HHIP: variants seen among roughly 807,000 people sequenced by gnomAD.
HHIP encodes the protein hedgehog interacting protein.
In HHIP, 12 loss-of-function variants were observed where a neutral mutation model predicts 74.0. The ratio of observed to expected loss-of-function variants is 0.16; its 90% CI spans 0.10 to 0.26. The LOEUF is 0.26. Among genes scored for constraint, HHIP ranks in the 10% least tolerant of loss-of-function variants. The pLI is 1.00. For missense variants in HHIP, 788 were observed against 845.0 expected, an observed-to-expected ratio of 0.93 and a Z score of 0.84; for synonymous variants, 309 against 311.6, an observed-to-expected ratio of 0.99 and a Z score of 0.09.
chr4:144,692,623 G>A (rs1729706129), intron 4 of HHIP, among the ~76,000 whole-genome samples: 1 of 152,036 alleles, frequency 6.6e-6, no homozygotes, highest in African/African-American at 2.4e-5. Context: ...CCCTATTCTT[G>A]TCTTTTATAG....
At chr4:144,700,190 T>G (rs1344511183) in intron 4 of HHIP, among the ~76,000 whole-genome samples, 1 of 152,204 alleles carries the variant, frequency 6.6e-6, no homozygotes, top group Non-Finnish European at 1.5e-5. Flanking sequence ...TGAAGAATGT[T>G]GGTTATTCTT....
chr4:144,673,254 A>T (rs867241739), intron 4 of HHIP, among the ~76,000 whole-genome samples: 1 of 152,062 alleles, frequency 6.6e-6, no homozygotes, highest in Non-Finnish European at 1.5e-5. Flanking sequence ...AATATTGCAA[A>T]TTTTTTCCTA....
chr4:144,652,617 A>G lies in HHIP; in HGVS notation c.292A>G (p.Thr98Ala). 1 of 1,601,334 alleles carries G rather than the reference A, an allele frequency of 6.2e-7. No homozygotes were observed. Among genetic ancestry groups the G allele is most frequent in the African/African-American group, 1.3e-5 (1 of 74,526 alleles). ...TTATGGCTTTCAGATATTTTCTGTT[A>G]CCAACAACACAGAATGTGGGAAGTT... ...GRLENKIFSV[T>A]NNTECGKLLE... Residue 98 changes from threonine (T) to alanine (A), a missense_variant, in exon 2 of 13, where the codon ACC becomes GCC. By Grantham distance (58) the Thr-to-Ala change is moderately conservative (BLOSUM62 0). Around this residue, in one of 3 missense-constraint regions of HHIP, gnomAD observed 373 missense variants for 366.4 expected, o/e 1.02. Coordinates refer to ENST00000296575, the MANE Select transcript of HHIP (RefSeq NM_022475.3).
At chr4:144,732,499 A>T (rs1269477627) in intron 11 of HHIP, among the ~76,000 whole-genome samples, 1 of 152,126 alleles carries the variant, frequency 6.6e-6, no homozygotes. Context: ...CAAAGCATCA[A>T]ATTGGAGTAT....
At position 144,740,326 on chromosome 4, in the gene HHIP, T is replaced by A. The variant is rs182738659; in HGVS notation, c.*2369T>A. ...ATTAAGTTGACCAGGCCCAGATTTTTTATACAGCTTTTTCCCAAGTGAAAG... is the reference window on the plus strand; with the variant it reads ...ATTAAGTTGACCAGGCCCAGATTTTATATACAGCTTTTTCCCAAGTGAAAG... On this transcript the variant is annotated 3_prime_UTR_variant, in exon 13 of 13. Coordinates refer to ENST00000296575, the MANE Select transcript of HHIP (RefSeq NM_022475.3). 1 of 152,326 alleles carries A rather than the reference T, an allele frequency of 6.6e-6. No individual in the cohort carries two copies. The highest frequency in any genetic ancestry group is 1.5e-5 in the Non-Finnish European group (1 of 68,026). The allele number at this position is 152,326 out of a possible 1,614,324, so 9.4% of individuals were successfully genotyped here. A position where few individuals can be genotyped will look rare whatever the true frequency, so the allele number is the denominator to read the frequency against.
intron 4 of HHIP, among the ~76,000 whole-genome samples, chr4:144,676,050 G>A (rs1729160806): frequency 6.6e-6 from 1 of 152,182 alleles, no homozygotes; most frequent in Admixed American, 6.6e-5. Context: ...TAAACAAGAT[G>A]TATGTTTTAA....
chr4:144,683,881 T>C (rs6819412), intron 4 of HHIP, among the ~76,000 whole-genome samples: 58,821 of 151,636 alleles, frequency 0.39, 13,270 homozygotes, highest in South Asian at 0.52. Flanking sequence ...CAATTAGTGA[T>C]TCTGAGCACA....
intron 4 of HHIP, among the ~76,000 whole-genome samples, chr4:144,705,032 A>G (rs940374075): frequency 2.0e-5 from 3 of 152,194 alleles, no homozygotes; most frequent in Admixed American, 6.5e-5. Context: ...AAAATTATGC[A>G]TATTGTGATG....
chr4:144,710,918 C>A (rs937770595), intron 7 of HHIP, among the ~76,000 whole-genome samples: 2 of 152,210 alleles, frequency 1.3e-5, no homozygotes, highest in Admixed American at 6.5e-5. Context: ...TATATAACTT[C>A]ATTCTTCCCC....
intron 4 of HHIP, among the ~76,000 whole-genome samples, chr4:144,675,683 CAT>C (rs1429627398): frequency 1.3e-5 from 2 of 151,860 alleles, no homozygotes; most frequent in African/African-American, 4.8e-5. Flanking sequence ...TGTATATATA[CAT>C]ATGTGTGTGT....
chr4:144,721,879 G>A (rs1367157205), intron 11 of HHIP, among the ~76,000 whole-genome samples: 1 of 151,468 alleles, frequency 6.6e-6, no homozygotes, highest in African/African-American at 2.4e-5. Flanking sequence ...CTCCAGCCTG[G>A]GTGACAGAGC....
At chr4:144,661,107 C>G (rs1332686206) in intron 4 of HHIP, among the ~76,000 whole-genome samples, 1 of 152,222 alleles carries the variant, frequency 6.6e-6, no homozygotes, top group East Asian at 1.9e-4. Context: ...AACTGATGTT[C>G]TTGTTTCTAC....
intron 4 of HHIP, among the ~76,000 whole-genome samples, chr4:144,673,007 C>T (rs868326771): frequency 4.6e-5 from 7 of 152,118 alleles, no homozygotes; most frequent in African/African-American, 1.7e-4. Flanking sequence ...CCGGCCCAAA[C>T]TTTTTAAACA....
chr4:144,743,069 T>C lies in HHIP; in HGVS notation c.*5112T>C, dbSNP rs1273428788. The C allele has an allele frequency of 6.9e-6, 1 of 144,682 alleles. No individual in the cohort carries two copies. The highest frequency in any genetic ancestry group is 7.1e-5 in the Admixed American group (1 of 14,098). The allele number at this position is 144,682 out of a possible 1,614,324, so 9.0% of individuals were successfully genotyped here. On this transcript the variant is annotated 3_prime_UTR_variant, in exon 13 of 13. Coordinates refer to ENST00000296575, the MANE Select transcript of HHIP (RefSeq NM_022475.3). ...ATATCTTAATACATATATATAACCATGGAACCTGCCAAACACTAATCCTAG... is the reference window on the plus strand; with the variant it reads ...ATATCTTAATACATATATATAACCACGGAACCTGCCAAACACTAATCCTAG...
rs149987009 is a variant in HHIP at position 144,655,616 on chromosome 4, G to A, written c.472+2819G>A. ...CTAGTCCATAGCCATTCCTAACCCC[G>A]GCCAGTTAGCTTACACATGTGTCTT... On this transcript the variant is annotated intron_variant, in intron 2 of 12. Coordinates refer to ENST00000296575, the MANE Select transcript of HHIP (RefSeq NM_022475.3). 2.4e-3 allele frequency among the ~76,000 whole-genome samples: 370 copies of A among 152,120 alleles called. 2 individuals carry two copies. The highest frequency in any genetic ancestry group is 8.4e-3 in the African/African-American group (348 of 41,480).
chr4:144,682,020 G>T (rs990585488), intron 4 of HHIP, among the ~76,000 whole-genome samples: 2 of 152,200 alleles, frequency 1.3e-5, no homozygotes, highest in African/African-American at 2.4e-5. Context: ...GCCCAACAGA[G>T]CCATACTCAT....
Position 144,707,228 on chromosome 4 carries a change from A to C in HHIP, c.1125A>C (p.Thr375=), listed in dbSNP as rs932871309. Residue 375 remains threonine (T), a synonymous_variant, in exon 6 of 13, where the codon ACA becomes ACC. Coordinates refer to ENST00000296575, the MANE Select transcript of HHIP (RefSeq NM_022475.3). Reference sequence around the variant, plus strand: ...TCATTCTTGGTGATGGGATGATTACACTGGATGATATGGAAGAAATGGATG... The same window carrying C: ...TCATTCTTGGTGATGGGATGATTACCCTGGATGATATGGAAGAAATGGATG... The part of the protein sequence containing the change: ...LYIILGDGMI[T]LDDMEEMDGL... 1.2e-6 allele frequency: 2 copies of C among 1,613,396 alleles called. No homozygotes were observed. The highest frequency in any genetic ancestry group is 2.7e-5 in the African/African-American group (2 of 74,868).
chr4:144,687,518 A>C (rs1019121603), intron 4 of HHIP, among the ~76,000 whole-genome samples: 7 of 152,158 alleles, frequency 4.6e-5, no homozygotes, highest in African/African-American at 1.7e-4. Context: ...TGCAAGTAGG[A>C]ATCAAGAAAG....
intron 4 of HHIP, among the ~76,000 whole-genome samples, chr4:144,662,099 A>G (rs761850678): frequency 6.6e-6 from 1 of 152,238 alleles, no homozygotes; most frequent in Non-Finnish European, 1.5e-5. Flanking sequence ...ATTTCTGATT[A>G]TAAGAGTTTC....
Sources: allele counts gnomAD v4.1 joint callset (sites outside exome capture counted in the v4.1 genomes callset), GRCh38; gene constraint gnomAD v4.1.1; regional missense constraint gnomAD v4.1.1; transcripts MANE v1.5; gene names NCBI Gene and HGNC (gene_info 2026-07-23, HGNC 2026-07-21).